The following LRP2 variants were observed in gnomAD, a reference collection of about 807,000 sequenced individuals.
LRP2 encodes the protein LDL receptor related protein 2, also known as low-density lipoprotein receptor-related protein 2.
LRP2 carries 172 observed loss-of-function variants against 531.0 expected under a neutral mutation model. That is an observed-to-expected ratio of 0.32 (90% CI 0.29 to 0.37). The LOEUF is 0.37. LRP2 is among the 10% of genes least tolerant of loss of function. LRP2 has a pLI of 1.00. For missense variants in LRP2, 5,167 were observed against 5,868.3 expected (o/e 0.88, Z 3.90); for synonymous variants, 1,992 against 2,027.6 (o/e 0.98, Z 0.47).
At chr2:169,201,539 G>A in intron 44 of LRP2, 89 bp downstream of exon 44, 1 of 1,559,976 alleles carries the variant, frequency 6.4e-7, no homozygotes, top group African/African-American at 1.4e-5. Context: ...TTTTATTTTT[G>A]GAAAGCCTTT....
In LRP2 at chr2:169,287,643, G is replaced by GAAT. The variant is rs142159471; in HGVS notation, c.1042+1380_1042+1382dup. Among the ~76,000 whole-genome samples the GAAT allele has an allele frequency of 1.3e-3, 188 of 149,374 alleles. 1 individual carries two copies. Among genetic ancestry groups the GAAT allele is most frequent in the African/African-American group, 4.1e-3 (167 of 40,832 alleles). On this transcript the variant is annotated intron_variant, in intron 9 of 78. Transcript: ENST00000649046. ...TCTGTTTGCTAGCACTTCCGCTGAA[G>GAAT]AATAATAATAATAATAATAATAAAG... is the stretch of plus-strand genomic sequence containing the variant.
rs368336310 is a variant in LRP2, at chr2:169,294,170, G to A, written c.630C>T (p.Asp210=). 6.4e-5 allele frequency: 103 copies of A among 1,612,510 alleles called. 1 individual carries two copies. In the Middle Eastern group the frequency reaches 9.9e-4, roughly 16 times the overall value. The change falls in exon 6 of 79, where the codon GAC becomes GAT. Residue 210 remains aspartate, a synonymous_variant. Coordinates refer to ENST00000649046, the MANE Select transcript of LRP2 (RefSeq NM_004525.3). ...YVCDHDNDCQ[D]GSDEHACNYP... is the part of the protein sequence containing the mutation. The stretch of plus-strand genomic sequence containing the variant: ...TACTGCAAGCATGTTCGTCACTGCC[G>A]TCTTGGCAATCATTGTCATGGTCAC...
rs149849411 is a variant in LRP2, at chr2:169,206,714, G to A, written c.7006C>T (p.Arg2336Trp). The A allele has an allele frequency of 6.1e-5, 99 of 1,614,002 alleles. 1 individual carries two copies. Among genetic ancestry groups the A allele is most frequent in the Non-Finnish European group, 7.6e-5 (90 of 1,180,014 alleles). ...VTIFDKQVQPRSPAEVNNNPC... is the reference protein window; with the variant it reads ...VTIFDKQVQPWSPAEVNNNPC... ...TTGTTGTTGACCTCTGCTGGTGACC[G>A]GGGCTGGACTTGCTTGTCAAAGATG... The change falls in exon 39 of 79, where the codon CGG becomes TGG. Residue 2336 changes from arginine (R) to tryptophan (W), a missense_variant. This residue lies in a region of LRP2 where 2,811 missense variants were observed against 3,058.0 expected (regional missense o/e 0.92). Coordinates refer to ENST00000649046, the MANE Select transcript of LRP2 (RefSeq NM_004525.3).
In LRP2 at chr2:169,213,877, G is replaced by A. The variant is rs536933380; in HGVS notation, c.5827-7C>T. 1.2e-6 allele frequency: 2 copies of A among 1,604,380 alleles called. No homozygotes were observed. Among genetic ancestry groups the A allele is most frequent in the African/African-American group, 2.7e-5 (2 of 74,606 alleles). The stretch of plus-strand genomic sequence containing the variant: ...CCACGTTTCCTCTTTCAATCTAAAG[G>A]ATTGGAATTTTCATTAGTTTCATGG... On this transcript the variant is annotated splice_region_variant and splice_polypyrimidine_tract_variant and intron_variant, in intron 35 of 78. Coordinates refer to ENST00000649046, the MANE Select transcript of LRP2 (RefSeq NM_004525.3).
intron 4 of LRP2, among the ~76,000 whole-genome samples, chr2:169,298,267 T>C (rs1684185282): frequency 9.2e-5 from 14 of 152,100 alleles, no homozygotes; most frequent in Admixed American, 9.2e-4. Flanking sequence ...GCCAGACATG[T>C]GTCAAAGTAC....
At chr2:169,163,888 A>G (rs1339115837) in intron 62 of LRP2, among the ~76,000 whole-genome samples, 1 of 152,196 alleles carries the variant, frequency 6.6e-6, no homozygotes, top group Admixed American at 6.5e-5. Context: ...ACAGTGAGAG[A>G]CATTTTAACA....
intron 1 of LRP2, among the ~76,000 whole-genome samples, chr2:169,327,876 A>G (rs1371464250): frequency 2.5e-3 from 1 of 402 alleles, no homozygotes. Context: ...CCGTCCGGGA[A>G]GGGAGGTGGG....
chr2:169,225,251 C>T lies in LRP2; in HGVS notation c.5538+59G>A. Reference sequence around the variant, plus strand: ...ATCCACGTGAGATCTATTCCTGAGACTAGAGTTTACATCAATCTAAATCCA... The same window carrying T: ...ATCCACGTGAGATCTATTCCTGAGATTAGAGTTTACATCAATCTAAATCCA... On this transcript the variant is annotated intron_variant, in intron 33 of 78. Transcript: ENST00000649046. 5 of 1,547,462 alleles carry T rather than the reference C, an allele frequency of 3.2e-6. No homozygotes were observed. In the South Asian group the frequency reaches 4.5e-5, roughly 14 times the overall value.
chr2:169,326,956 G>A (rs1685083639), intron 1 of LRP2, among the ~76,000 whole-genome samples: 1 of 147,520 alleles, frequency 6.8e-6, no homozygotes, highest in Non-Finnish European at 1.5e-5. Context: ...CCCCGTCTGA[G>A]AAGTGAGGAG....
chr2:169,182,723 A>C, intron 50 of LRP2: 1 of 611,104 alleles, frequency 1.6e-6, no homozygotes, highest in Non-Finnish European at 2.0e-6. Context: ...TAAGTGTGTC[A>C]TTGAAACTGC....
chr2:169,287,542 G>A (rs1204662101), intron 9 of LRP2, among the ~76,000 whole-genome samples: 2 of 151,988 alleles, frequency 1.3e-5, no homozygotes, highest in East Asian at 1.9e-4. Context: ...TTTCAGTAAC[G>A]CTGAGGAGCA....
intron 45 of LRP2, among the ~76,000 whole-genome samples, chr2:169,198,220 C>G (rs1263359957): frequency 1.3e-5 from 2 of 152,052 alleles, no homozygotes; most frequent in East Asian, 3.9e-4. Context: ...TCCAGACCAG[C>G]CTGGGTAACA....
Position 169,176,453 on chromosome 2 carries a change from G to T in LRP2, c.10529C>A (p.Pro3510His). The T allele has an allele frequency of 6.2e-7, 1 of 1,614,138 alleles. No homozygotes were observed. Residue 3510 changes from proline (P) to histidine (H), a missense_variant, in exon 54 of 79, where the codon CCC becomes CAC. Coordinates refer to ENST00000649046, the MANE Select transcript of LRP2 (RefSeq NM_004525.3). ...LQLSGSTYCM[P>H]MCSSTQFLCA... Reference sequence around the variant, plus strand: ...CAGGAACTGGGTGCTGGAGCACATGGGCATGCAGTAGGTGCTGCCACTCAG... The same window carrying T: ...CAGGAACTGGGTGCTGGAGCACATGTGCATGCAGTAGGTGCTGCCACTCAG...
At chr2:169,173,631 T>G (rs757505194) in intron 56 of LRP2, among the ~76,000 whole-genome samples, 1 of 152,208 alleles carries the variant, frequency 6.6e-6, no homozygotes, top group African/African-American at 2.4e-5. Flanking sequence ...GTGGCTCAAG[T>G]GAGAAAGCAG....
Position 169,294,148 on chromosome 2 carries a change from T to C in LRP2, c.652A>G (p.Asn218Asp). Reference protein sequence around the residue: ...CQDGSDEHACNYPTCGGYQFT... With the variant: ...CQDGSDEHACDYPTCGGYQFT... ...ACCCAGCATAAAGAAATCACCGTAC[T>C]GCAAGCATGTTCGTCACTGCCGTCT... The change falls in exon 6 of 79, where the codon AAC becomes GAC. Residue 218 changes from asparagine to aspartate, a missense_variant and splice_region_variant. Around this residue, in one of 6 missense-constraint regions of LRP2, gnomAD observed 2,811 missense variants for 3,058.0 expected, o/e 0.92. Coordinates refer to ENST00000649046, the MANE Select transcript of LRP2 (RefSeq NM_004525.3). 1.9e-6 allele frequency: 3 copies of C among 1,601,178 alleles called. No homozygotes were observed. The highest frequency in any genetic ancestry group is 1.1e-5 in the South Asian group (1 of 90,786).
intron 34 of LRP2, 78 bp from the exon 35 acceptor site, chr2:169,216,508 T>G: frequency 2.2e-6 from 3 of 1,387,298 alleles, no homozygotes; most frequent in Non-Finnish European, 3.1e-6. Flanking sequence ...CAATGTGTAT[T>G]ACTTGTCCTC....
At chr2:169,257,829 A>AC (rs1167304734) in intron 17 of LRP2, among the ~76,000 whole-genome samples, 35 of 149,404 alleles carry the variant, frequency 2.3e-4, no homozygotes, top group African/African-American at 8.5e-4. Flanking sequence ...CAAAAACAAA[A>AC]AAAAAAAACA....
chr2:169,255,799 C>T (rs1028831233), intron 19 of LRP2, among the ~76,000 whole-genome samples: 6 of 152,076 alleles, frequency 3.9e-5, no homozygotes, highest in East Asian at 1.9e-4. Flanking sequence ...TGTTTCCTCA[C>T]GTGATACTTG....
At position 169,128,689 on chromosome 2, in the gene LRP2, G is replaced by A. The variant is rs778285947; in HGVS notation, c.13942C>T (p.Leu4648Phe). ...TEDTFKDTAN[L>F]VKEDSEV ...TATACTTCAGAGTCTTCTTTAACAA[G>A]ATTTGCGGTGTCTTTAAAAGTGTCT... Residue 4648 changes from leucine (L) to phenylalanine (F), a missense_variant, in exon 79 of 79, where the codon CTT (leucine) becomes TTT (phenylalanine). Coordinates refer to ENST00000649046, the MANE Select transcript of LRP2 (RefSeq NM_004525.3). 42 of 1,613,964 alleles carry A rather than the reference G, an allele frequency of 2.6e-5. No homozygotes were observed. Among genetic ancestry groups the A allele is most frequent in the Non-Finnish European group, 3.5e-5 (41 of 1,179,964 alleles).
Sources: allele counts gnomAD v4.1 joint callset (sites outside exome capture counted in the v4.1 genomes callset), GRCh38; gene constraint gnomAD v4.1.1; regional missense constraint gnomAD v4.1.1; transcripts MANE v1.5; gene names NCBI Gene and HGNC (gene_info 2026-07-23, HGNC 2026-07-21).